The following MYO1D variants were observed in gnomAD, a reference collection of about 807,000 sequenced individuals.
MYO1D encodes the protein myosin ID.
MYO1D carries 83 observed loss-of-function variants against 122.0 expected under a neutral mutation model. The ratio of observed to expected loss-of-function variants is 0.68; its 90% CI spans 0.57 to 0.82. The LOEUF is 0.82. Among genes scored for constraint, MYO1D ranks in the 40% least tolerant of loss-of-function variants. The pLI is 0.00. For synonymous variants in MYO1D, 464 were observed against 446.9 expected (o/e 1.04, Z -0.48); for missense variants, 1,157 against 1,269.5 (o/e 0.91, Z 1.35).
chr17:32,645,651 T>G (rs2088280449), intron 19 of MYO1D, among the ~76,000 whole-genome samples: 1 of 152,202 alleles, frequency 6.6e-6, no homozygotes, highest in South Asian at 2.1e-4. Context: ...ATTTCATTCA[T>G]TTGATCTTCA....
At chr17:32,515,166 C>T (rs971739478) in intron 21 of MYO1D, among the ~76,000 whole-genome samples, 3 of 152,186 alleles carry the variant, frequency 2.0e-5, no homozygotes, top group African/African-American at 7.2e-5. Context: ...GAAACCAGGG[C>T]TGAAAGGACC....
At chr17:32,698,790 T>A (rs539269838) in intron 16 of MYO1D, among the ~76,000 whole-genome samples, 4 of 152,220 alleles carry the variant, frequency 2.6e-5, no homozygotes, top group Admixed American at 2.6e-4. Flanking sequence ...CCACTTTTAA[T>A]CCTTCACAAG....
chr17:32,863,088 G>A (rs1413035179), intron 1 of MYO1D: 2 of 152,208 alleles, frequency 1.3e-5, no homozygotes, highest in African/African-American at 4.8e-5. Flanking sequence ...AGGAACCTGA[G>A]AGGTGGAGAT....
Position 32,494,503 on chromosome 17 carries a change from T to C in MYO1D, c.*256A>G, listed in dbSNP as rs1404952983. ...CATCCAGTTGCCTCTGGGGTGAGAT[T>C]GGTCTGGACGTCAGCCCAGGGGTCT... On this transcript the variant is annotated 3_prime_UTR_variant, in exon 22 of 22. Coordinates refer to ENST00000318217, the MANE Select transcript of MYO1D (RefSeq NM_015194.3). The C allele has an allele frequency of 2.0e-6, 1 of 492,158 alleles. No homozygotes were observed. Among genetic ancestry groups the C allele is most frequent in the Admixed American group, 3.7e-5 (1 of 26,838 alleles). 30.5% of individuals were successfully genotyped at this position (492,158 alleles called of 1,614,324 possible).
chr17:32,770,481 G>A (rs2056299675), intron 6 of MYO1D, among the ~76,000 whole-genome samples: 1 of 151,568 alleles, frequency 6.6e-6, no homozygotes, highest in South Asian at 2.1e-4. Context: ...CTACGAAATA[G>A]GATAATAGTG....
rs1185132625 is a variant in MYO1D at position 32,721,018 on chromosome 17, C to G, written c.1913+5G>C. The stretch of plus-strand genomic sequence containing the variant: ...ACTAGGCCTCTCTGACGAGTCTATT[C>G]TCACCTGTGAAGAAACTTCTCGTAT... On this transcript the variant is annotated splice_donor_5th_base_variant and intron_variant, in intron 15 of 21. Coordinates refer to ENST00000318217, the MANE Select transcript of MYO1D (RefSeq NM_015194.3). 6.2e-7 allele frequency: 1 copy of G among 1,613,270 alleles called. No homozygotes were observed. The highest frequency in any genetic ancestry group is 1.7e-5 in the Admixed American group (1 of 59,962).
At chr17:32,520,091 C>T (rs1180807650) in intron 21 of MYO1D, among the ~76,000 whole-genome samples, 2 of 152,110 alleles carry the variant, frequency 1.3e-5, no homozygotes, top group African/African-American at 4.8e-5. Flanking sequence ...AAAAGAAAAT[C>T]AATCTGTGCA....
chr17:32,683,870 C>T (rs1401008531), intron 16 of MYO1D, among the ~76,000 whole-genome samples: 2 of 151,872 alleles, frequency 1.3e-5, no homozygotes, highest in African/African-American at 4.8e-5. Context: ...GCAGTTTGAT[C>T]TCAGACTGCT....
At chr17:32,762,394 T>C (rs2090010430) in intron 8 of MYO1D, among the ~76,000 whole-genome samples, 1 of 152,206 alleles carries the variant, frequency 6.6e-6, no homozygotes, top group African/African-American at 2.4e-5. Context: ...CTATGGATTT[T>C]ATTTTCTCAA....
chr17:32,663,590 G>A (rs565689812), intron 16 of MYO1D, among the ~76,000 whole-genome samples: 1 of 152,216 alleles, frequency 6.6e-6, no homozygotes, highest in African/African-American at 2.4e-5. Context: ...CTTTTCCTTG[G>A]TTCGGCTGTA....
intron 21 of MYO1D, chr17:32,496,019 A>AACGCCAGGGCC (rs1909092304): frequency 6.6e-6 from 1 of 152,346 alleles, no homozygotes; most frequent in African/African-American, 2.4e-5. Flanking sequence ...CGGCCAGGGG[A>AACGCCAGGGCC]ACGCCAGGGC....
chr17:32,698,155 A>G (rs1356282555), intron 16 of MYO1D, among the ~76,000 whole-genome samples: 1 of 152,208 alleles, frequency 6.6e-6, no homozygotes. Context: ...ACTTAGTTAA[A>G]TAACCAGAAT....
In MYO1D at chr17:32,780,585, C is replaced by A. The variant is rs766109370; in HGVS notation, c.295G>T (p.Val99Leu). Residue 99 changes from valine to leucine, a missense_variant, in exon 2 of 22, where the codon GTG (valine) becomes TTG (leucine). Transcript: ENST00000318217. ...MKRRSKDTCI[V>L]ISGESGAGKT... The stretch of plus-strand genomic sequence containing the variant: ...GATCCCCTCCAATTACCTGATATCA[C>A]AATACAAGTGTCTTTTGATCGCCTC... The A allele has an allele frequency of 6.2e-7, 1 of 1,613,960 alleles. No individual in the cohort carries two copies. The highest frequency in any genetic ancestry group is 1.7e-5 in the Admixed American group (1 of 60,012).
intron 21 of MYO1D, among the ~76,000 whole-genome samples, chr17:32,561,811 A>T (rs756925230): frequency 6.6e-5 from 10 of 152,150 alleles, no homozygotes; most frequent in Non-Finnish European, 1.2e-4. Flanking sequence ...TGACATATTA[A>T]CATAGAAATA....
intron 21 of MYO1D, chr17:32,495,563 G>A (rs955406937): frequency 6.6e-6 from 1 of 152,432 alleles, no homozygotes; most frequent in African/African-American, 2.4e-5. Flanking sequence ...CGGGCGTCCG[G>A]CCGGGCTCCA....
chr17:32,706,702 ATT>A (rs1212009720), intron 16 of MYO1D, among the ~76,000 whole-genome samples: 1 of 151,064 alleles, frequency 6.6e-6, no homozygotes, highest in African/African-American at 2.4e-5. Context: ...AGATCTATAC[ATT>A]TTTTTTTGTT....
intron 1 of MYO1D, among the ~76,000 whole-genome samples, chr17:32,800,108 C>T (rs1227320467): frequency 6.6e-6 from 1 of 152,106 alleles, no homozygotes; most frequent in Non-Finnish European, 1.5e-5. Context: ...ATTATACAGC[C>T]ATTTTGGAAG....
chr17:32,796,439 T>C (rs1598106384), intron 1 of MYO1D, among the ~76,000 whole-genome samples: 1 of 152,120 alleles, frequency 6.6e-6, no homozygotes, highest in East Asian at 1.9e-4. Context: ...TTTGAGACTG[T>C]CTCACAGTGT....
At chr17:32,722,524 C>T (rs1459431930) in intron 14 of MYO1D, among the ~76,000 whole-genome samples, 1 of 152,192 alleles carries the variant, frequency 6.6e-6, no homozygotes, top group Non-Finnish European at 1.5e-5. Flanking sequence ...ATGATGTCAC[C>T]TCTTCGTTCT....
Sources: allele counts gnomAD v4.1 joint callset (sites outside exome capture counted in the v4.1 genomes callset), GRCh38; gene constraint gnomAD v4.1.1; transcripts MANE v1.5; gene names NCBI Gene and HGNC (gene_info 2026-07-23, HGNC 2026-07-21).